SH3RF2: variants seen among roughly 807,000 people sequenced by gnomAD.
SH3RF2 encodes the protein SH3 domain containing ring finger 2.
SH3RF2 carries 43 observed loss-of-function variants against 59.0 expected under a neutral mutation model. The ratio of observed to expected loss-of-function variants is 0.73; its 90% CI spans 0.57 to 0.94. The LOEUF (loss-of-function observed/expected upper bound fraction) is 0.94. SH3RF2 is among the 40% of genes least tolerant of loss of function. The probability of loss-of-function intolerance (pLI) is 0.00; values close to 1 mark genes in which losing one functional copy is unlikely to be tolerated. For synonymous variants in SH3RF2, 391 were observed against 391.5 expected (o/e 1.00, Z 0.01); for missense variants, 930 against 940.1 (o/e 0.99, Z 0.14).
chr5:145,986,587 T>C (rs527585340), intron 2 of SH3RF2, among the ~76,000 whole-genome samples: 1 of 152,256 alleles, frequency 6.6e-6, no homozygotes, highest in East Asian at 1.9e-4. Context: ...GAAGAGATGG[T>C]GACGGAAATC....
intron 2 of SH3RF2, among the ~76,000 whole-genome samples, chr5:145,999,146 C>T (rs1462069997): frequency 6.6e-6 from 1 of 152,098 alleles, no homozygotes; most frequent in Non-Finnish European, 1.5e-5. Context: ...GTTATAGAGA[C>T]AGCTTCTCTT....
chr5:146,057,958 CTCTCTCTCTCTATCTA>C (rs70998046), intron 8 of SH3RF2, among the ~76,000 whole-genome samples: 37,373 of 140,308 alleles, frequency 0.27, 5,831 homozygotes, highest in Non-Finnish European at 0.35. Context: ...CTCTCTCTCT[CTCTCTCTCTCTATCTA>C]TCTATCTATC....
intron 4 of SH3RF2, among the ~76,000 whole-genome samples, chr5:146,005,965 C>T (rs1760629005): frequency 6.6e-6 from 1 of 151,986 alleles, no homozygotes; most frequent in Non-Finnish European, 1.5e-5. Context: ...TTCACTGTGA[C>T]CCTGTCCTAA....
chr5:145,974,263 G>A (rs1306554267), intron 2 of SH3RF2, among the ~76,000 whole-genome samples: 2 of 152,136 alleles, frequency 1.3e-5, no homozygotes, highest in Non-Finnish European at 2.9e-5. Flanking sequence ...GAGCAAGACG[G>A]AATCTTATAT....
intron 2 of SH3RF2, among the ~76,000 whole-genome samples, chr5:145,963,574 C>CA (rs2149955781): frequency 6.6e-6 from 1 of 152,264 alleles, no homozygotes; most frequent in East Asian, 1.9e-4. Flanking sequence ...ATATTGAAAA[C>CA]AGATGGAACA....
At chr5:146,049,758 A>T (rs1762427950) in intron 7 of SH3RF2, among the ~76,000 whole-genome samples, 1 of 152,004 alleles carries the variant, frequency 6.6e-6, no homozygotes, top group South Asian at 2.1e-4. Context: ...CCCAAGATGA[A>T]ATGCTAGTAA....
At chr5:146,035,204 C>T (rs900903190) in intron 5 of SH3RF2, among the ~76,000 whole-genome samples, 28 of 151,010 alleles carry the variant, frequency 1.9e-4, no homozygotes, top group African/African-American at 6.6e-4. Flanking sequence ...TCGTTGTTGT[C>T]GCTGTAATAT....
intron 2 of SH3RF2, among the ~76,000 whole-genome samples, chr5:145,964,956 G>A (rs1758802545): frequency 6.6e-6 from 1 of 152,174 alleles, no homozygotes; most frequent in Non-Finnish European, 1.5e-5. Context: ...ACTTTGGGAG[G>A]CCGAGGCAGG....
chr5:146,057,952 CTCTCTCTCTCTCTCTCTA>C (rs1762730527), intron 8 of SH3RF2, among the ~76,000 whole-genome samples: 2 of 131,440 alleles, frequency 1.5e-5, no homozygotes, highest in African/African-American at 5.5e-5. Flanking sequence ...CTCTCTCTCT[CTCTCTCTCTCTCTCTCTA>C]TCTATCTATC....
rs1762663489 is a variant in SH3RF2 at position 146,056,202 on chromosome 5, G to A, written c.1544G>A (p.Ser515Asn). 6.2e-7 allele frequency: 1 copy of A among 1,614,226 alleles called. No individual in the cohort carries two copies. The highest frequency in any genetic ancestry group is 8.5e-7 in the Non-Finnish European group (1 of 1,180,050). ...GQGSLRKGRS[S>N]MRKNGSLQRP... ...GGGTCTCTTCGGAAAGGGCGGAGCA[G>A]CATGAGAAAGAGTAAGTGGTGGCAG... is the stretch of plus-strand genomic sequence containing the variant. The change falls in exon 8 of 10, where the codon AGC becomes AAC. Residue 515 changes from serine (S) to asparagine (N), a missense_variant. By Grantham distance (46) the Ser-to-Asn change is conservative. Coordinates refer to ENST00000359120, the MANE Select transcript of SH3RF2 (RefSeq NM_152550.4).
intron 7 of SH3RF2, among the ~76,000 whole-genome samples, chr5:146,052,636 T>A (rs1762539103): frequency 6.6e-6 from 1 of 152,120 alleles, no homozygotes; most frequent in South Asian, 2.1e-4. Context: ...GTGTTTATAC[T>A]TTTTCCTTGA....
chr5:146,014,232 T>C (rs1761024367), intron 5 of SH3RF2, among the ~76,000 whole-genome samples, 171 bp downstream of exon 5: 1 of 152,242 alleles, frequency 6.6e-6, no homozygotes, highest in Admixed American at 6.5e-5. Context: ...TATTTCATCC[T>C]TGAACAGCCT....
chr5:146,033,934 C>T (rs1275272083), intron 5 of SH3RF2, among the ~76,000 whole-genome samples: 1 of 152,198 alleles, frequency 6.6e-6, no homozygotes, highest in East Asian at 1.9e-4. Flanking sequence ...ACAGAAGAGA[C>T]AATTGGAAGG....
At chr5:146,042,388 G>A (rs1337168318) in intron 5 of SH3RF2, among the ~76,000 whole-genome samples, 4 of 152,134 alleles carry the variant, frequency 2.6e-5, no homozygotes, top group South Asian at 2.1e-4. Context: ...CTTACATTGC[G>A]TCAAACCCTG....
chr5:145,958,640 G>A (rs891437621), intron 2 of SH3RF2, among the ~76,000 whole-genome samples: 4 of 152,146 alleles, frequency 2.6e-5, no homozygotes, highest in South Asian at 2.1e-4. Context: ...AATGTGCAGC[G>A]TAGGCCTAAC....
In SH3RF2 at chr5:145,963,611, A is replaced by G. The variant is rs1409666671; in HGVS notation, c.378+25305A>G. On this transcript the variant is annotated intron_variant, in intron 2 of 9. Transcript: ENST00000359120. The stretch of plus-strand genomic sequence containing the variant: ...AGTACATTTAAACTATTGCACAAGA[A>G]AGTTTGTTTTAATATAAAAAATTAC... 2.6e-5 allele frequency among the ~76,000 whole-genome samples: 4 copies of G among 152,274 alleles called. No homozygotes were observed. In the East Asian group the frequency reaches 7.7e-4, roughly 29 times the overall value.
chr5:146,018,842 G>A (rs1761205422), intron 5 of SH3RF2, among the ~76,000 whole-genome samples: 1 of 152,016 alleles, frequency 6.6e-6, no homozygotes, highest in Non-Finnish European at 1.5e-5. Flanking sequence ...GATAAGGGTG[G>A]TATCTTATTG....
intron 8 of SH3RF2, 121 bp from the exon 9 acceptor site, chr5:146,059,745 G>A: frequency 1.6e-6 from 1 of 640,190 alleles, no homozygotes; most frequent in Non-Finnish European, 2.5e-6. Context: ...GAATGTGAGT[G>A]CAGTCAGATT....
chr5:146,074,036 C>CTTTTTTTTTTTT lies in SH3RF2; in HGVS notation c.*34-4414_*34-4403dup, dbSNP rs70998053. On this transcript the variant is annotated intron_variant, in intron 9 of 9. Coordinates refer to the SH3RF2 transcript ENST00000511217. ...CCATGGGGTAGGTTTCATTAACACTCTTTTTTTTTTTTTTTTTTTTTGAGA... is the reference window on the plus strand; with the variant it reads ...CCATGGGGTAGGTTTCATTAACACTCTTTTTTTTTTTTTTTTTTTTTTTTTTTTTTTTTGAGA... 6.7e-4 allele frequency among the ~76,000 whole-genome samples: 79 copies of CTTTTTTTTTTTT among 117,200 alleles called. 7 individuals are homozygous for CTTTTTTTTTTTT. Among genetic ancestry groups the CTTTTTTTTTTTT allele is most frequent in the African/African-American group, 3.0e-3 (72 of 24,222 alleles). The allele number at this position is 117,200 out of a possible 152,430, so 76.9% of individuals were successfully genotyped here. A position where few individuals can be genotyped will look rare whatever the true frequency, so the allele number is the denominator to read the frequency against.
Sources: allele counts gnomAD v4.1 joint callset (sites outside exome capture counted in the v4.1 genomes callset), GRCh38; gene constraint gnomAD v4.1.1; transcripts MANE v1.5; gene names NCBI Gene and HGNC (gene_info 2026-07-23, HGNC 2026-07-21).